The following LRRC4B variants were observed in gnomAD, a reference collection of about 807,000 sequenced individuals.
LRRC4B encodes the protein leucine rich repeat containing 4B.
A neutral mutation model predicts 7.3 loss-of-function variants in LRRC4B; 1 was observed. That is an observed-to-expected ratio of 0.14 (90% CI 0.05 to 0.65). LRRC4B has a LOEUF of 0.65. Ranked by LOEUF, LRRC4B falls within the 30% of genes least tolerant of loss-of-function variation. The probability of loss-of-function intolerance (pLI) is 0.84; values close to 1 mark genes in which losing one functional copy is unlikely to be tolerated. For synonymous variants in LRRC4B, 500 were observed against 499.2 expected (o/e 1.00, Z -0.02); for missense variants, 730 against 1,041.6 (o/e 0.70, Z 4.12).
chr19:50,522,621 C>T (rs944231785), intron 2 of LRRC4B, among the ~76,000 whole-genome samples: 15 of 151,912 alleles, frequency 9.9e-5, no homozygotes, highest in African/African-American at 3.4e-4. Flanking sequence ...GGATTACAGG[C>T]ACGCATCAAC....
intron 1 of LRRC4B, among the ~76,000 whole-genome samples, chr19:50,567,649 C>T (rs1982675475): frequency 6.6e-6 from 1 of 150,610 alleles, no homozygotes; most frequent in Non-Finnish European, 1.5e-5. Context: ...CTCAGCCCCA[C>T]AGCTGGATAC....
chr19:50,558,280 G>C (rs1982350326), intron 1 of LRRC4B, among the ~76,000 whole-genome samples: 3 of 151,964 alleles, frequency 2.0e-5, no homozygotes, highest in Non-Finnish European at 4.4e-5. Context: ...ATTTCTGCTG[G>C]AGTGCAGTGG....
Position 50,518,186 on chromosome 19 carries a change from C to T in LRRC4B, c.1527G>A (p.Thr509=), listed in dbSNP as rs368964372. The change falls in exon 3 of 3, where the codon ACG becomes ACA. Residue 509 remains threonine, a synonymous_variant. Transcript: ENST00000652263. The stretch of plus-strand genomic sequence containing the variant: ...TCGTGGGCCCTGGCGGTTCCTTCTC[C>T]GTCCCCCGCGGCTGCAGGGCCTCCT... The part of the protein sequence containing the change: ...PGEEALQPRG[T]EKEPPGPTTD... 19 of 1,607,670 alleles carry T rather than the reference C, an allele frequency of 1.2e-5. No homozygotes were observed. The highest frequency in any genetic ancestry group is 1.7e-4 in the Middle Eastern group (1 of 6,050).
Position 50,530,934 on chromosome 19 carries a change from G to T in LRRC4B, c.298-11519C>A, listed in dbSNP as rs572151674. Reference sequence around the variant, plus strand: ...TGTATTTTTAGTAGAAACCTGGGGGGGGGGGGTCTCTCTATGTTGGTCAGG... The same window carrying T: ...TGTATTTTTAGTAGAAACCTGGGGGTGGGGGGTCTCTCTATGTTGGTCAGG... On this transcript the variant is annotated intron_variant, in intron 2 of 2. Coordinates refer to ENST00000652263, the MANE Select transcript of LRRC4B (RefSeq NM_001080457.2). Among the ~76,000 whole-genome samples the T allele has an allele frequency of 8.6e-5, 13 of 150,900 alleles. No homozygotes were observed. The South Asian group carries it at 1.9e-3, about 22-fold the overall frequency.
rs2122751090 is a variant in LRRC4B at position 50,517,562 on chromosome 19, C to CCCG, written c.*6_*8dup. The CCCG allele has an allele frequency of 7.0e-7, 1 of 1,420,790 alleles. No homozygotes were observed. Among genetic ancestry groups the CCCG allele is most frequent in the East Asian group, 2.7e-5 (1 of 36,672 alleles). The allele number at this position is 1,420,790 out of a possible 1,614,324, so 88.0% of individuals were successfully genotyped here. ...GCTCCACGCCCCTCGCCCGCCCGGC[C>CCCG]CCGCCGCCTCAGATCTGCGTCTCTT... is the stretch of plus-strand genomic sequence containing the variant. On this transcript the variant is annotated 3_prime_UTR_variant, in exon 3 of 3. Transcript: ENST00000652263. The surrounding 1 kb of genome is among the most constrained non-coding windows in gnomAD (Gnocchi z 6.6).
At chr19:50,523,883 C>T (rs1212497707) in intron 2 of LRRC4B, among the ~76,000 whole-genome samples, 2 of 140,624 alleles carry the variant, frequency 1.4e-5, no homozygotes, top group East Asian at 2.2e-4. Context: ...CTCTTGAACC[C>T]GGGAGGCGGA....
chr19:50,562,743 T>TTC (rs1349937417), intron 1 of LRRC4B, among the ~76,000 whole-genome samples: 2 of 59,104 alleles, frequency 3.4e-5, no homozygotes, highest in African/African-American at 1.6e-4. Flanking sequence ...TTTTTTTTTG[T>TTC]TTTTTTTTTT....
At position 50,556,340 on chromosome 19, in the gene LRRC4B, G is replaced by T. The variant is rs571638376; in HGVS notation, c.-35-7467C>A. 1.1e-4 allele frequency among the ~76,000 whole-genome samples: 16 copies of T among 151,956 alleles called. No individual in the cohort carries two copies. The highest frequency in any genetic ancestry group is 6.5e-5 in the Admixed American group (1 of 15,268). ...GGGCTGTCCTTTCCCGTGCAGCCACGCCGCTCTCCCCCAGGCTCCTCCCAC... is the reference window on the plus strand; with the variant it reads ...GGGCTGTCCTTTCCCGTGCAGCCACTCCGCTCTCCCCCAGGCTCCTCCCAC... On this transcript the variant is annotated intron_variant, in intron 1 of 2. Coordinates refer to ENST00000652263, the MANE Select transcript of LRRC4B (RefSeq NM_001080457.2). This position sits in a 1 kb window ranked among gnomAD's most constrained non-coding sequence, Gnocchi z 4.2.
chr19:50,549,446 A>G (rs1981960275), intron 1 of LRRC4B, among the ~76,000 whole-genome samples: 1 of 151,218 alleles, frequency 6.6e-6, no homozygotes, highest in Non-Finnish European at 1.5e-5. Context: ...GTTAGCGAAG[A>G]GATGCATTTC....
chr19:50,529,252 C>A (rs943104739), intron 2 of LRRC4B, among the ~76,000 whole-genome samples: 1 of 152,032 alleles, frequency 6.6e-6, no homozygotes, highest in Non-Finnish European at 1.5e-5. Context: ...GTGCACCTGG[C>A]GTGTTGAAGC....
In LRRC4B at chr19:50,563,575, T is replaced by C. The variant is rs541420581; in HGVS notation, c.-36+4369A>G. ...AACAGCGTCCGCATCCCAGGTCCTC[T>C]AAGGCAGCCCCTGCTCTCCACCTGC... On this transcript the variant is annotated intron_variant, in intron 1 of 2. Coordinates refer to ENST00000652263, the MANE Select transcript of LRRC4B (RefSeq NM_001080457.2). The surrounding 1 kb of genome is among the most constrained non-coding windows in gnomAD (Gnocchi z 4.9). Among the ~76,000 whole-genome samples, 111 of 152,090 alleles carry C rather than the reference T, an allele frequency of 7.3e-4. No homozygotes were observed. The highest frequency in any genetic ancestry group is 2.6e-3 in the African/African-American group (106 of 41,504).
intron 1 of LRRC4B, among the ~76,000 whole-genome samples, chr19:50,549,724 C>G (rs1448616276): frequency 2.0e-5 from 3 of 152,202 alleles, no homozygotes; most frequent in Admixed American, 2.0e-4. Flanking sequence ...GGCTGGGGAC[C>G]TGACGGGGGG....
In LRRC4B at chr19:50,520,242, AAAAAAG is replaced by A. The variant is rs1980512088; in HGVS notation, c.298-833_298-828del. ...AAAAAAAAAAAAAAAAAAAAAAAAA[AAAAAAG>A]AAGAAAAGAAAAGAAAAATGAACAA... On this transcript the variant is annotated intron_variant, in intron 2 of 2. Coordinates refer to ENST00000652263, the MANE Select transcript of LRRC4B (RefSeq NM_001080457.2). Among the ~76,000 whole-genome samples, 13 of 62,580 alleles carry A rather than the reference AAAAAAG, an allele frequency of 2.1e-4. 3 individuals carry two copies. The highest frequency in any genetic ancestry group is 4.8e-4 in the African/African-American group (7 of 14,576). 41.1% of individuals were successfully genotyped at this position (62,580 alleles called of 152,430 possible).
At chr19:50,545,111 T>C (rs1265363875) in intron 2 of LRRC4B, among the ~76,000 whole-genome samples, 1 of 140,202 alleles carries the variant, frequency 7.1e-6, no homozygotes, top group African/African-American at 2.7e-5. Context: ...AGACTCCATC[T>C]CAAAAAAAAA....
At chr19:50,536,748 C>T (rs1384545611) in intron 2 of LRRC4B, among the ~76,000 whole-genome samples, 1 of 152,174 alleles carries the variant, frequency 6.6e-6, no homozygotes, top group Non-Finnish European at 1.5e-5. Flanking sequence ...AGAAGAGCGC[C>T]TGGCACAGGG....
chr19:50,526,588 AT>A (rs1162297539), intron 2 of LRRC4B, among the ~76,000 whole-genome samples: 2 of 152,350 alleles, frequency 1.3e-5, no homozygotes, highest in African/African-American at 4.8e-5. Flanking sequence ...TACGCCTGTA[AT>A]CCCAGCACTT....
intron 2 of LRRC4B, among the ~76,000 whole-genome samples, chr19:50,535,750 G>A (rs779152557): frequency 5.3e-5 from 8 of 152,284 alleles, no homozygotes; most frequent in African/African-American, 1.4e-4. Context: ...AGGCCTAGAC[G>A]TCCCTGTCTC....
chr19:50,561,310 C>T (rs940790977), intron 1 of LRRC4B, among the ~76,000 whole-genome samples: 1 of 152,110 alleles, frequency 6.6e-6, no homozygotes. Flanking sequence ...CTACAACCCC[C>T]ACGTCGGTGA....
intron 1 of LRRC4B, among the ~76,000 whole-genome samples, chr19:50,566,608 C>T (rs1330805895): frequency 6.6e-6 from 1 of 151,206 alleles, no homozygotes; most frequent in Non-Finnish European, 1.5e-5. Context: ...CCATCCTGGG[C>T]TCTGGAGACT....
Sources: gnomAD v4.1 joint callset for allele counts (sites outside exome capture counted in the v4.1 genomes callset) on GRCh38, gnomAD v4.1.1 for gene constraint, Gnocchi (gnomAD v3.1) non-coding constraint, MANE v1.5 for transcripts, NCBI Gene and HGNC (gene_info 2026-07-23, HGNC 2026-07-21) for gene names.